The following LRRIQ1 variants were observed in gnomAD, a reference collection of about 807,000 sequenced individuals.
The protein encoded by LRRIQ1 is leucine rich repeats and IQ motif containing 1, also known as leucine-rich repeat- and IQ domain-containing protein 1.
LRRIQ1 carries 210 observed loss-of-function variants against 211.9 expected under a neutral mutation model. The ratio of observed to expected loss-of-function variants is 0.99; its 90% CI spans 0.89 to 1.11. LRRIQ1 has a LOEUF of 1.11. Ranked by LOEUF, LRRIQ1 falls within the 50% of genes most tolerant of loss-of-function variation. The pLI is 0.00. For missense variants in LRRIQ1, 2,136 were observed against 1,939.5 expected (o/e 1.10, Z -1.90); for synonymous variants, 699 against 650.1 (o/e 1.08, Z -1.14).
At chr12:85,141,684 A>G (rs1889549832) in intron 19 of LRRIQ1, among the ~76,000 whole-genome samples, 2 of 149,538 alleles carry the variant, frequency 1.3e-5, no homozygotes, top group Non-Finnish European at 3.0e-5. Flanking sequence ...ATAACTGCAT[A>G]TAGTTGGGTT....
At chr12:85,045,824 A>G (rs2135913475) in intron 4 of LRRIQ1, among the ~76,000 whole-genome samples, 196 bp from the exon 5 acceptor site, 1 of 152,204 alleles carries the variant, frequency 6.6e-6, no homozygotes, top group Non-Finnish European at 1.5e-5. Context: ...AGGGTTACTA[A>G]TGCTTGCATG....
chr12:85,213,846 A>G (rs1893953161), intron 24 of LRRIQ1, among the ~76,000 whole-genome samples: 1 of 152,024 alleles, frequency 6.6e-6, no homozygotes, highest in South Asian at 2.1e-4. Flanking sequence ...AATAAGACCA[A>G]AATTGTTCGA....
At position 85,057,113 on chromosome 12, in the gene LRRIQ1, C is replaced by G; in HGVS notation, c.2320C>G (p.Pro774Ala). Residue 774 changes from proline to alanine, a missense_variant, in exon 8 of 27, where the codon CCA (proline) becomes GCA (alanine). Physicochemically the swap from Pro to Ala is conservative, Grantham distance 27 (BLOSUM62 -1). Transcript: ENST00000393217. ...IVRRKRPVKCPANMTPALDKL... is the reference protein window; with the variant it reads ...IVRRKRPVKCAANMTPALDKL... ...TAGAAGAAAGAGACCTGTGAAATGC[C>G]CAGCCAACATGACACCCGCTTTGGA... 6.2e-7 allele frequency: 1 copy of G among 1,601,660 alleles called. No homozygotes were observed. Among genetic ancestry groups the G allele is most frequent in the East Asian group, 2.2e-5 (1 of 44,620 alleles).
At chr12:85,191,235 A>G (rs903900231) in intron 24 of LRRIQ1, among the ~76,000 whole-genome samples, 1 of 151,940 alleles carries the variant, frequency 6.6e-6, no homozygotes, top group Admixed American at 6.6e-5. Context: ...ATGGATTTTG[A>G]CAAATGTTTG....
At chr12:85,141,181 T>C (rs561979978) in intron 19 of LRRIQ1, among the ~76,000 whole-genome samples, 3 of 151,482 alleles carry the variant, frequency 2.0e-5, no homozygotes, top group South Asian at 2.1e-4. Flanking sequence ...CAGCATATAC[T>C]ATATTTTTTG....
In LRRIQ1 at chr12:85,042,523, GTAT is replaced by G. The variant is rs1053305453; in HGVS notation, c.244+1927_244+1929del. Among the ~76,000 whole-genome samples, 78 of 147,610 alleles carry G rather than the reference GTAT, an allele frequency of 5.3e-4. 2 individuals are homozygous for G. The South Asian group carries it at 5.8e-3, about 11-fold the overall frequency. On this transcript the variant is annotated intron_variant, in intron 3 of 26. Coordinates refer to ENST00000393217, the MANE Select transcript of LRRIQ1 (RefSeq NM_001079910.2). ...ATTATTCATTAAATTATACTAATATGTATTATTTATTAAATTTGAATTTATTGA... is the reference window on the plus strand; with the variant it reads ...ATTATTCATTAAATTATACTAATATGTATTTATTAAATTTGAATTTATTGA...
At chr12:85,220,344 G>A (rs553196522) in intron 24 of LRRIQ1, among the ~76,000 whole-genome samples, 32 of 152,060 alleles carry the variant, frequency 2.1e-4, no homozygotes, top group African/African-American at 7.7e-4. Flanking sequence ...TGCCTTAAAT[G>A]ATAATTGAAT....
chr12:85,159,195 G>A (rs1890724674), intron 23 of LRRIQ1, among the ~76,000 whole-genome samples: 1 of 151,886 alleles, frequency 6.6e-6, no homozygotes, highest in South Asian at 2.1e-4. Context: ...ATAGTATGAG[G>A]AAAGTATGAT....
chr12:85,159,371 C>T (rs927368300), intron 23 of LRRIQ1: 3 of 151,804 alleles, frequency 2.0e-5, no homozygotes, highest in Non-Finnish European at 2.9e-5. Context: ...AGAATATAAA[C>T]TGGAAATGTT....
intron 11 of LRRIQ1, among the ~76,000 whole-genome samples, chr12:85,077,285 C>A (rs1883767938): frequency 6.6e-6 from 1 of 152,096 alleles, no homozygotes. Context: ...GAAAGTATGG[C>A]CAAAAGTTAA....
At chr12:85,059,964 G>GTATAAATGTA (rs1292464493) in intron 8 of LRRIQ1, among the ~76,000 whole-genome samples, 1 of 151,952 alleles carries the variant, frequency 6.6e-6, no homozygotes. Context: ...TAAAATTACT[G>GTATAAATGTA]AAGTGTAGCT....
chr12:85,146,434 C>T (rs1592880123), intron 19 of LRRIQ1, among the ~76,000 whole-genome samples: 1 of 151,722 alleles, frequency 6.6e-6, no homozygotes, highest in African/African-American at 2.4e-5. Flanking sequence ...CTATGAAATT[C>T]TGTTCAGAGC....
chr12:85,159,463 A>G (rs998920468), intron 23 of LRRIQ1: 5 of 152,000 alleles, frequency 3.3e-5, no homozygotes, highest in African/African-American at 1.2e-4. Flanking sequence ...TACACAAATG[A>G]TCTCATTAAT....
At chr12:85,161,963 C>A (rs964960585) in intron 24 of LRRIQ1, among the ~76,000 whole-genome samples, 1 of 151,718 alleles carries the variant, frequency 6.6e-6, no homozygotes, top group East Asian at 1.9e-4. Context: ...GGCGTGAACC[C>A]GGGAGGCAGA....
At chr12:85,173,753 A>T (rs1179165106) in intron 24 of LRRIQ1, among the ~76,000 whole-genome samples, 4 of 151,888 alleles carry the variant, frequency 2.6e-5, no homozygotes, top group Admixed American at 2.0e-4. Flanking sequence ...TCCTAATTTA[A>T]CCCTAATTAC....
intron 18 of LRRIQ1, among the ~76,000 whole-genome samples, chr12:85,133,095 A>G (rs1452508073): frequency 1.3e-5 from 2 of 152,176 alleles, no homozygotes; most frequent in East Asian, 3.9e-4. Flanking sequence ...TAAAGCATCA[A>G]GGAAATTGGG....
intron 24 of LRRIQ1, among the ~76,000 whole-genome samples, chr12:85,169,991 G>A (rs1485807216): frequency 6.6e-6 from 1 of 151,924 alleles, no homozygotes; most frequent in Non-Finnish European, 1.5e-5. Context: ...GTAATACAAG[G>A]TTTGAAATAA....
At chr12:85,038,056 A>G (rs1009689819) in intron 1 of LRRIQ1, 97 bp from the exon 2 acceptor site, 3 of 806,722 alleles carry the variant, frequency 3.7e-6, no homozygotes, top group East Asian at 6.8e-5. Flanking sequence ...AGTTTGTTAA[A>G]TTAAAACATA....
intron 24 of LRRIQ1, among the ~76,000 whole-genome samples, chr12:85,172,842 C>T (rs2136821631): frequency 6.6e-6 from 1 of 152,174 alleles, no homozygotes; most frequent in African/African-American, 2.4e-5. Flanking sequence ...GGTGCAGCAG[C>T]TCATACCTGT....
Sources: allele counts gnomAD v4.1 joint callset (sites outside exome capture counted in the v4.1 genomes callset), GRCh38; gene constraint gnomAD v4.1.1; transcripts MANE v1.5; gene names NCBI Gene and HGNC (gene_info 2026-07-23, HGNC 2026-07-21).